PIK3R6: variants seen among roughly 807,000 people sequenced by gnomAD.
The protein encoded by PIK3R6 is phosphoinositide-3-kinase regulatory subunit 6, also known as phosphoinositide 3-kinase regulatory subunit 6.
In PIK3R6, 91 loss-of-function variants were observed where a neutral mutation model predicts 84.9. That is an observed-to-expected ratio of 1.07 (90% CI 0.90 to 1.28). The LOEUF is 1.28. Among genes scored for constraint, PIK3R6 ranks in the 50% most tolerant of loss-of-function variants. PIK3R6 has a pLI of 0.00. For synonymous variants in PIK3R6, 416 were observed against 411.4 expected, an observed-to-expected ratio of 1.01 and a Z score of -0.13; for missense variants, 996 against 985.1, an observed-to-expected ratio of 1.01 and a Z score of -0.15.
chr17:8,816,723 GAA>G (rs2087554269), intron 18 of PIK3R6, among the ~76,000 whole-genome samples: 1 of 152,118 alleles, frequency 6.6e-6, no homozygotes, highest in African/African-American at 2.4e-5. Context: ...ACAAAACAAT[GAA>G]AAGTTTGATC....
rs1407680288 is a variant in PIK3R6 at position 8,867,623 on chromosome 17, T to C, written c.-186A>G. 2.0e-6 allele frequency: 1 copy of C among 503,842 alleles called. No individual in the cohort carries two copies. The highest frequency in any genetic ancestry group is 1.4e-5 in the South Asian group (1 of 69,396). The allele number at this position is 503,842 out of a possible 1,614,324, so 31.2% of individuals were successfully genotyped here. On this transcript the variant is annotated 5_prime_UTR_variant, in exon 1 of 20. Transcript: ENST00000619866. ...CCCAGTCCCAGAGAAGCAGATGTCT[T>C]GGGGGAGCCTCCACGGGTGTCTGTG...
chr17:8,826,978 C>G (rs552076798), intron 13 of PIK3R6, among the ~76,000 whole-genome samples, 194 bp downstream of exon 13: 2 of 152,114 alleles, frequency 1.3e-5, no homozygotes, highest in African/African-American at 4.8e-5. Flanking sequence ...CTGGTTAGGG[C>G]CCCTGTCTTG....
At chr17:8,867,115 G>C (rs778051680) in intron 1 of PIK3R6, among the ~76,000 whole-genome samples, 13 of 152,160 alleles carry the variant, frequency 8.5e-5, no homozygotes, top group Non-Finnish European at 1.8e-4. Flanking sequence ...CTAAGCCTCA[G>C]TCTTCTGTTC....
At chr17:8,811,060 T>C (rs1283802485) in intron 18 of PIK3R6, among the ~76,000 whole-genome samples, 1 of 149,006 alleles carries the variant, frequency 6.7e-6, no homozygotes, top group Non-Finnish European at 1.5e-5. Flanking sequence ...GCCTGGGCAT[T>C]CAGGCATTTC....
chr17:8,831,951 C>A (rs1476760634), intron 9 of PIK3R6, among the ~76,000 whole-genome samples: 1 of 152,196 alleles, frequency 6.6e-6, no homozygotes, highest in African/African-American at 2.4e-5. Context: ...TTATGCCTTG[C>A]ATAAGATAAG....
chr17:8,808,491 T>C (rs944123100), intron 18 of PIK3R6, among the ~76,000 whole-genome samples: 3 of 152,234 alleles, frequency 2.0e-5, no homozygotes, highest in Non-Finnish European at 4.4e-5. Flanking sequence ...TTGCTTAACA[T>C]CATATAACTG....
At chr17:8,836,980 A>T in intron 5 of PIK3R6, 57 bp from the exon 6 acceptor site, 17 of 334,516 alleles carry the variant, frequency 5.1e-5, no homozygotes, top group Admixed American at 6.9e-5. Flanking sequence ...AAGAGGGAGG[A>T]GGGGGAGGTG....
chr17:8,856,056 G>T (rs2089132300), intron 1 of PIK3R6, among the ~76,000 whole-genome samples: 1 of 152,220 alleles, frequency 6.6e-6, no homozygotes, highest in African/African-American at 2.4e-5. Context: ...AGTAAAGGCA[G>T]CCAGGCGCTA....
chr17:8,844,347 T>G lies in PIK3R6; in HGVS notation c.14-4650A>C, dbSNP rs2151287497. Among the ~76,000 whole-genome samples, 1 of 152,324 alleles carries G rather than the reference T, an allele frequency of 6.6e-6. No homozygotes were observed. The highest frequency in any genetic ancestry group is 2.1e-4 in the South Asian group (1 of 4,834). The stretch of plus-strand genomic sequence containing the variant: ...CAAACTCCCACGTAGGGGGAAGCAC[T>G]CCAAGTGAATGATGCTAGAGTTCAT... On this transcript the variant is annotated intron_variant, in intron 2 of 19. Coordinates refer to ENST00000619866, the MANE Select transcript of PIK3R6 (RefSeq NM_001010855.4). The surrounding 1 kb of genome is among the most constrained non-coding windows in gnomAD (Gnocchi z 4.5).
intron 2 of PIK3R6, among the ~76,000 whole-genome samples, chr17:8,847,084 G>C (rs542464514): frequency 1.3e-5 from 2 of 152,324 alleles, no homozygotes; most frequent in African/African-American, 2.4e-5. Context: ...CTGACTCATG[G>C]ATATGTAAAG....
chr17:8,856,172 T>A (rs1029054007), intron 1 of PIK3R6, among the ~76,000 whole-genome samples: 2 of 152,240 alleles, frequency 1.3e-5, no homozygotes. Context: ...TCTTTATCTC[T>A]TTTTTAGTCA....
intron 18 of PIK3R6, among the ~76,000 whole-genome samples, chr17:8,812,221 G>T (rs1160950762): frequency 6.6e-6 from 1 of 152,150 alleles, no homozygotes; most frequent in Non-Finnish European, 1.5e-5. Context: ...CTCCAACTGG[G>T]TCCCTCCCAC....
intron 18 of PIK3R6, among the ~76,000 whole-genome samples, chr17:8,813,350 A>T (rs1180968923): frequency 6.6e-6 from 1 of 152,210 alleles, no homozygotes; most frequent in Non-Finnish European, 1.5e-5. Flanking sequence ...AATCTTACTG[A>T]CACCGTTCAA....
chr17:8,818,472 A>T lies in PIK3R6; in HGVS notation c.1995+611T>A, dbSNP rs571149496. 2.0e-4 allele frequency among the ~76,000 whole-genome samples: 31 copies of T among 152,236 alleles called. No individual in the cohort carries two copies. In the South Asian group the frequency reaches 6.0e-3, roughly 30 times the overall value. ...GAGACCAGCCTGGTCAGCATGACGA[A>T]ACCCTGTCTCTACTAAAAATACAAA... On this transcript the variant is annotated intron_variant, in intron 18 of 19. Coordinates refer to ENST00000619866, the MANE Select transcript of PIK3R6 (RefSeq NM_001010855.4).
chr17:8,830,404 G>A (rs1395110384), intron 9 of PIK3R6, among the ~76,000 whole-genome samples: 1 of 152,080 alleles, frequency 6.6e-6, no homozygotes, highest in Non-Finnish European at 1.5e-5. Flanking sequence ...CCTCCGAGCA[G>A]ACTGTCTGCA....
intron 1 of PIK3R6, among the ~76,000 whole-genome samples, chr17:8,857,639 T>C (rs1283200976): frequency 6.6e-6 from 1 of 152,148 alleles, no homozygotes; most frequent in Non-Finnish European, 1.5e-5. Context: ...TGATTTTTAA[T>C]TGAAAGTAAA....
intron 15 of PIK3R6, 107 bp downstream of exon 15, chr17:8,822,889 C>G (rs2087788131): frequency 9.5e-7 from 1 of 1,050,008 alleles, no homozygotes; most frequent in Non-Finnish European, 1.5e-6. Flanking sequence ...CAGGGACAAG[C>G]ACTGAGGGTG....
intron 1 of PIK3R6, 135 bp downstream of exon 1, chr17:8,867,394 T>G (rs1567622023): frequency 6.1e-6 from 1 of 162,990 alleles, no homozygotes; most frequent in Non-Finnish European, 1.4e-5. Flanking sequence ...CTGGCAGCCC[T>G]GAGCCTGGAT....
intron 17 of PIK3R6, among the ~76,000 whole-genome samples, chr17:8,821,414 T>G (rs1488927212): frequency 6.7e-6 from 1 of 148,998 alleles, no homozygotes; most frequent in African/African-American, 2.5e-5. Context: ...ATCGCCATCC[T>G]TTGCATTATT....
Sources: gnomAD v4.1 joint callset for allele counts (sites outside exome capture counted in the v4.1 genomes callset) on GRCh38, gnomAD v4.1.1 for gene constraint, Gnocchi (gnomAD v3.1) non-coding constraint, MANE v1.5 for transcripts, NCBI Gene and HGNC (gene_info 2026-07-23, HGNC 2026-07-21) for gene names.